Variants in AFM observed in about 807,000 individuals in gnomAD.
AFM encodes alpha-Alb.
A neutral mutation model predicts 68.7 loss-of-function variants in AFM; 82 were observed. The ratio of observed to expected loss-of-function variants is 1.19; its 90% confidence interval spans 1.00 to 1.43. The LOEUF is 1.43. AFM is among the 40% of genes most tolerant of loss of function. The probability of loss-of-function intolerance (pLI) is 0.00; values close to 1 mark genes in which losing one functional copy is unlikely to be tolerated. For missense variants in AFM, 772 were observed against 701.8 expected, an observed-to-expected ratio of 1.10 and a Z score of -1.13; for synonymous variants, 250 against 234.2, an observed-to-expected ratio of 1.07 and a Z score of -0.61.
At chr4:73,497,968 A>T (rs72856656) in intron 10 of AFM, among the ~76,000 whole-genome samples, 6,479 of 152,276 alleles carry the variant, frequency 0.043, 208 homozygotes, top group African/African-American at 0.084. Context: ...TTCTGGAGAC[A>T]TTGATTCTCT....
chr4:73,493,050 C>A (rs570839478), intron 8 of AFM, among the ~76,000 whole-genome samples: 1 of 152,012 alleles, frequency 6.6e-6, no homozygotes, highest in East Asian at 1.9e-4. Flanking sequence ...TATATAGGGA[C>A]CCTGGAAAGG....
chr4:73,493,616 C>A (rs1577977752), intron 8 of AFM, among the ~76,000 whole-genome samples: 1 of 152,144 alleles, frequency 6.6e-6, no homozygotes, highest in South Asian at 2.1e-4. Context: ...AGTTAGTATA[C>A]TTTTATAATC....
At chr4:73,503,479 G>T (rs1721471922) in intron 14 of AFM, among the ~76,000 whole-genome samples, 1 of 152,096 alleles carries the variant, frequency 6.6e-6, no homozygotes. Flanking sequence ...GGACTGAGGT[G>T]GGCAGACAGA....
At chr4:73,486,872 C>A in intron 4 of AFM, 95 bp from the exon 5 acceptor site, 1 of 1,211,102 alleles carries the variant, frequency 8.3e-7, no homozygotes, top group Non-Finnish European at 1.1e-6. Flanking sequence ...CCCATCTTAC[C>A]CTCCCTTCCC....
At position 73,495,443 on chromosome 4, in the gene AFM, T is replaced by C. The variant is rs1032489165; in HGVS notation, c.1191+11T>C. 1.9e-6 allele frequency: 3 copies of C among 1,596,772 alleles called. No individual in the cohort carries two copies. Among genetic ancestry groups the C allele is most frequent in the African/African-American group, 1.4e-5 (1 of 73,506 alleles). On this transcript the variant is annotated intron_variant, in intron 9 of 14. Coordinates refer to ENST00000226355, the MANE Select transcript of AFM (RefSeq NM_001133.2). ...TGTTACCGTTACGCGGTAGGTTCCA[T>C]TGTTGTAGGTTCAGAAAATCAAAAA... is the stretch of plus-strand genomic sequence containing the variant.
At chr4:73,495,781 A>G (rs1375723233) in intron 9 of AFM, among the ~76,000 whole-genome samples, 1 of 152,180 alleles carries the variant, frequency 6.6e-6, no homozygotes, top group Non-Finnish European at 1.5e-5. Flanking sequence ...AATATTCTGT[A>G]TTTTATTAAG....
intron 3 of AFM, among the ~76,000 whole-genome samples, chr4:73,485,258 A>G (rs1422203215): frequency 1.3e-5 from 2 of 152,222 alleles, no homozygotes; most frequent in African/African-American, 4.8e-5. Context: ...TTAACATACC[A>G]GCATGTCATC....
Position 73,500,017 on chromosome 4 carries a change from T to C in AFM, c.1436T>C (p.Phe479Ser), listed in dbSNP as rs1219607396. The C allele has an allele frequency of 6.2e-7, 1 of 1,613,890 alleles. No homozygotes were observed. Among genetic ancestry groups the C allele is most frequent in the Non-Finnish European group, 8.5e-7 (1 of 1,179,862 alleles). Residue 479 changes from phenylalanine to serine, a missense_variant, in exon 12 of 15, where the codon TTT becomes TCT. By Grantham distance (155) the Phe-to-Ser change is radical (BLOSUM62 -2). Transcript: ENST00000226355. Reference sequence around the variant, plus strand: ...TTGTTGGTACAGGCAGATTTAGTTTTTGGAGAGTTATGTGGAGTAAATGAA... The same window carrying C: ...TTGTTGGTACAGGCAGATTTAGTTTCTGGAGAGTTATGTGGAGTAAATGAA... The part of the protein sequence containing the change: ...ACVDNLADLV[F>S]GELCGVNENR...
chr4:73,488,300 T>A (rs1720967752), intron 6 of AFM, among the ~76,000 whole-genome samples: 1 of 152,182 alleles, frequency 6.6e-6, no homozygotes, highest in African/African-American at 2.4e-5. Context: ...AGTTCTATCA[T>A]GAATTATCTA....
At chr4:73,494,037 C>T (rs1721175813) in intron 8 of AFM, among the ~76,000 whole-genome samples, 2 of 146,456 alleles carry the variant, frequency 1.4e-5, no homozygotes, top group African/African-American at 5.1e-5. Context: ...TTTTTCTTCA[C>T]AGTATTTTGA....
At chr4:73,484,447 T>TTTCC in intron 3 of AFM, 57 bp downstream of exon 3, 2 of 186,452 alleles carry the variant, frequency 1.1e-5, no homozygotes, top group South Asian at 1.3e-4. Context: ...TTTCTCTTTC[T>TTTCC]TTCTTTCTTT....
chr4:73,483,149 C>T (rs1392342393), intron 1 of AFM, among the ~76,000 whole-genome samples: 2 of 152,082 alleles, frequency 1.3e-5, no homozygotes, highest in Admixed American at 6.5e-5. Flanking sequence ...TTCATTTTTC[C>T]GTCAGCTGAA....
intron 5 of AFM, 117 bp downstream of exon 5, chr4:73,487,216 C>T (rs956436443): frequency 1.8e-6 from 2 of 1,113,998 alleles, no homozygotes; most frequent in African/African-American, 3.2e-5. Flanking sequence ...TCTCTTGTCA[C>T]ATTCAGTGAT....
intron 7 of AFM, among the ~76,000 whole-genome samples, chr4:73,489,442 T>G (rs1309877754): frequency 6.6e-6 from 1 of 152,204 alleles, no homozygotes; most frequent in Admixed American, 6.5e-5. Flanking sequence ...ACACACATTG[T>G]GGAATGTCTA....
intron 1 of AFM, among the ~76,000 whole-genome samples, chr4:73,482,418 T>C (rs1188432093): frequency 6.6e-6 from 1 of 152,218 alleles, no homozygotes; most frequent in Admixed American, 6.5e-5. Context: ...AGAGGAGGTG[T>C]CTTTTTCTAA....
chr4:73,494,251 C>A (rs564285989), intron 8 of AFM, among the ~76,000 whole-genome samples: 1 of 151,912 alleles, frequency 6.6e-6, no homozygotes, highest in East Asian at 1.9e-4. Context: ...TTCAGAAAAA[C>A]CAAGATTAAT....
At chr4:73,494,086 T>C (rs1250727673) in intron 8 of AFM, among the ~76,000 whole-genome samples, 2 of 147,870 alleles carry the variant, frequency 1.4e-5, no homozygotes, top group African/African-American at 5.0e-5. Context: ...TGTGTGTGTG[T>C]GTTACTCCCC....
chr4:73,484,395 G>T lies in AFM; in HGVS notation c.270+5G>T. Reference sequence around the variant, plus strand: ...CCAGAGTGTTCAAAATTACCTGTAAGTAAATTGCTTGTGTTTCTTTTCCTT... The same window carrying T: ...CCAGAGTGTTCAAAATTACCTGTAATTAAATTGCTTGTGTTTCTTTTCCTT... On this transcript the variant is annotated splice_donor_5th_base_variant and intron_variant, in intron 3 of 14. Coordinates refer to ENST00000226355, the MANE Select transcript of AFM (RefSeq NM_001133.2). 1 of 1,530,060 alleles carries T rather than the reference G, an allele frequency of 6.5e-7. No homozygotes were observed. Among genetic ancestry groups the T allele is most frequent in the Non-Finnish European group, 8.8e-7 (1 of 1,142,260 alleles). 94.8% of individuals were successfully genotyped at this position (1,530,060 alleles called of 1,614,324 possible). A position where few individuals can be genotyped will look rare whatever the true frequency, so the allele number is the denominator to read the frequency against.
rs932376463 is a variant in AFM, at chr4:73,487,931, C to T, written c.713+110C>T. ...TTATATTCTTCCTAGTACCTAGGGGCTTTGGGGTGAGTCTGAGCCTACTTA... is the reference window on the plus strand; with the variant it reads ...TTATATTCTTCCTAGTACCTAGGGGTTTTGGGGTGAGTCTGAGCCTACTTA... On this transcript the variant is annotated intron_variant, in intron 6 of 14. Coordinates refer to ENST00000226355, the MANE Select transcript of AFM (RefSeq NM_001133.2). 5.6e-6 allele frequency: 4 copies of T among 719,132 alleles called. No homozygotes were observed. In the African/African-American group the frequency reaches 7.1e-5, roughly 13 times the overall value. The allele number at this position is 719,132 out of a possible 1,614,324, so 44.5% of individuals were successfully genotyped here. A position where few individuals can be genotyped will look rare whatever the true frequency, so the allele number is the denominator to read the frequency against.
Sources: allele counts gnomAD v4.1 joint callset (sites outside exome capture counted in the v4.1 genomes callset), GRCh38; gene constraint gnomAD v4.1.1; transcripts MANE v1.5; gene names NCBI Gene and HGNC (gene_info 2026-07-23, HGNC 2026-07-21).